The following DCDC2C variants were observed in gnomAD, a reference collection of about 807,000 sequenced individuals.
The protein encoded by DCDC2C is doublecortin domain containing 2C.
In DCDC2C, 44 loss-of-function variants were observed where a neutral mutation model predicts 45.0. The ratio of observed to expected loss-of-function variants is 0.98; its 90% CI spans 0.77 to 1.26. DCDC2C has a LOEUF of 1.26. DCDC2C is among the 50% of genes most tolerant of loss of function. The pLI is 0.00. For missense variants in DCDC2C, 447 were observed against 468.9 expected, an observed-to-expected ratio of 0.95 and a Z score of 0.43; for synonymous variants, 187 against 178.8, an observed-to-expected ratio of 1.05 and a Z score of -0.37.
chr2:3,778,996 C>A, intron 9 of DCDC2C, 112 bp downstream of exon 9: 2 of 1,052,436 alleles, frequency 1.9e-6, no homozygotes, highest in Non-Finnish European at 2.8e-6. Flanking sequence ...GCTTCCAAAA[C>A]ACAAGCCAGC....
chr2:3,825,412 G>A (rs1302756497), intron 10 of DCDC2C, among the ~76,000 whole-genome samples: 1 of 152,180 alleles, frequency 6.6e-6, no homozygotes, highest in African/African-American at 2.4e-5. Context: ...GTTGCCTTGT[G>A]ACCTGAACTC....
At chr2:3,722,045 C>A (rs1457180929) in intron 2 of DCDC2C, among the ~76,000 whole-genome samples, 1 of 152,232 alleles carries the variant, frequency 6.6e-6, no homozygotes, top group Non-Finnish European at 1.5e-5. Context: ...TTGCTAAGCA[C>A]TTGACAATGT....
In DCDC2C at chr2:3,825,941, C is replaced by G. The variant is rs1387377095; in HGVS notation, c.1066-21213C>G. Among the ~76,000 whole-genome samples, 4 of 152,236 alleles carry G rather than the reference C, an allele frequency of 2.6e-5. No homozygotes were observed. In the South Asian group the frequency reaches 6.2e-4, roughly 24 times the overall value. On this transcript the variant is annotated intron_variant, in intron 10 of 10. Coordinates refer to ENST00000399143, the MANE Select transcript of DCDC2C (RefSeq NM_001287444.2). ...GCTGAGCCTTCGTGTCCTGAGGACT[C>G]TTGTTTATTGTTCAGAGAAAAGAGT... is the stretch of plus-strand genomic sequence containing the variant.
At chr2:3,799,087 T>C (rs1671040840) in intron 10 of DCDC2C, among the ~76,000 whole-genome samples, 1 of 152,242 alleles carries the variant, frequency 6.6e-6, no homozygotes, top group Non-Finnish European at 1.5e-5. Flanking sequence ...TTCTTTTTTC[T>C]CTAAACTTCC....
At chr2:3,802,854 C>T (rs1254760210) in intron 10 of DCDC2C, among the ~76,000 whole-genome samples, 1 of 152,214 alleles carries the variant, frequency 6.6e-6, no homozygotes, top group Non-Finnish European at 1.5e-5. Flanking sequence ...CCCTGGGCCT[C>T]TGTCTATCCT....
chr2:3,782,371 G>A (rs894616763), intron 9 of DCDC2C, among the ~76,000 whole-genome samples: 1 of 151,946 alleles, frequency 6.6e-6, no homozygotes, highest in South Asian at 2.1e-4. Context: ...TTTTAAACAT[G>A]TTAATTATAC....
Position 3,769,350 on chromosome 2 carries a change from C to G in DCDC2C, c.893C>G (p.Thr298Ser), listed in dbSNP as rs767749965. The G allele has an allele frequency of 6.4e-7, 1 of 1,550,622 alleles. No homozygotes were observed. The highest frequency in any genetic ancestry group is 8.7e-7 in the Non-Finnish European group (1 of 1,146,978). Reference sequence around the variant, plus strand: ...AAAGCACCGACTCCTAGCAAGGAAACCCAAGGGGCGCTGGACGTCAAAGAG... The same window carrying G: ...AAAGCACCGACTCCTAGCAAGGAAAGCCAAGGGGCGCTGGACGTCAAAGAG... The part of the protein sequence containing the change: ...VYKAPTPSKE[T>S]QGALDVKEEH... The change falls in exon 8 of 11, where the codon ACC (threonine) becomes AGC (serine). Residue 298 changes from threonine (T) to serine (S), a missense_variant. By Grantham distance (58) the Thr-to-Ser change is moderately conservative. Coordinates refer to ENST00000399143, the MANE Select transcript of DCDC2C (RefSeq NM_001287444.2).
intron 6 of DCDC2C, among the ~76,000 whole-genome samples, chr2:3,767,269 C>A (rs1484724050): frequency 6.6e-6 from 1 of 152,194 alleles, no homozygotes; most frequent in Non-Finnish European, 1.5e-5. Context: ...TGAGTTCTCC[C>A]TTATTGCAAC....
chr2:3,821,568 G>T (rs73129318), intron 10 of DCDC2C, among the ~76,000 whole-genome samples: 8,142 of 152,242 alleles, frequency 0.053, 741 homozygotes, highest in African/African-American at 0.19. Context: ...ATCCTGGTTT[G>T]CTGAGAGTTT....
intron 8 of DCDC2C, among the ~76,000 whole-genome samples, chr2:3,770,588 A>G (rs1670136920): frequency 6.6e-6 from 1 of 152,206 alleles, no homozygotes; most frequent in Non-Finnish European, 1.5e-5. Context: ...CAGTTAAAAT[A>G]TTTTGTATTG....
intron 6 of DCDC2C, among the ~76,000 whole-genome samples, chr2:3,759,143 G>A (rs1378949506): frequency 9.2e-5 from 14 of 152,158 alleles, no homozygotes; most frequent in Non-Finnish European, 2.9e-5. Flanking sequence ...AGATGAGGGC[G>A]GGGCATCCTT....
intron 10 of DCDC2C, among the ~76,000 whole-genome samples, chr2:3,828,211 G>A (rs572294594): frequency 6.6e-6 from 1 of 152,216 alleles, no homozygotes; most frequent in Non-Finnish European, 1.5e-5. Context: ...AACCTTGCCA[G>A]ATGGTTATTC....
At chr2:3,711,472 A>C (rs2148046270) in intron 2 of DCDC2C, among the ~76,000 whole-genome samples, 1 of 152,346 alleles carries the variant, frequency 6.6e-6, no homozygotes, top group Admixed American at 6.5e-5. Flanking sequence ...ATAAAAAAAG[A>C]ATAAGACCAT....
At chr2:3,830,521 A>G (rs1362370473) in intron 10 of DCDC2C, among the ~76,000 whole-genome samples, 1 of 152,138 alleles carries the variant, frequency 6.6e-6, no homozygotes, top group African/African-American at 2.4e-5. Flanking sequence ...AAGGAATTAG[A>G]TGCTCCTTCT....
At chr2:3,760,516 A>G (rs549559634) in intron 6 of DCDC2C, among the ~76,000 whole-genome samples, 1 of 152,370 alleles carries the variant, frequency 6.6e-6, no homozygotes, top group Admixed American at 6.5e-5. Context: ...GAATGAGTTT[A>G]TGTTCTTTGC....
intron 4 of DCDC2C, among the ~76,000 whole-genome samples, chr2:3,745,011 A>C (rs529326416): frequency 3.3e-5 from 5 of 152,214 alleles, no homozygotes; most frequent in Non-Finnish European, 5.9e-5. Flanking sequence ...ATTTATTTTT[A>C]GACTTGCTCT....
intron 6 of DCDC2C, among the ~76,000 whole-genome samples, chr2:3,759,287 T>G (rs748881512): frequency 6.6e-6 from 1 of 152,356 alleles, no homozygotes; most frequent in African/African-American, 2.4e-5. Context: ...TTTTTCTTTA[T>G]GTACAAGCAT....
At chr2:3,812,926 G>A (rs1232383293) in intron 10 of DCDC2C, among the ~76,000 whole-genome samples, 1 of 151,798 alleles carries the variant, frequency 6.6e-6, no homozygotes, top group African/African-American at 2.4e-5. Context: ...TAATTTGATT[G>A]CACTGTAGTC....
intron 1 of DCDC2C, among the ~76,000 whole-genome samples, chr2:3,705,844 TG>T (rs2148036557): frequency 6.6e-6 from 1 of 152,308 alleles, no homozygotes; most frequent in African/African-American, 2.4e-5. Flanking sequence ...TTTTACTTTT[TG>T]GGAGGAAAGA....
Sources: gnomAD v4.1 joint callset for allele counts (sites outside exome capture counted in the v4.1 genomes callset) on GRCh38, gnomAD v4.1.1 for gene constraint, MANE v1.5 for transcripts, NCBI Gene and HGNC (gene_info 2026-07-23, HGNC 2026-07-21) for gene names.